The following TPCN1 variants were observed in gnomAD, a reference collection of about 807,000 sequenced individuals.
The protein encoded by TPCN1 is two pore channel protein 1.
In TPCN1, 52 loss-of-function variants were observed where a neutral mutation model predicts 108.8. The ratio of observed to expected loss-of-function variants is 0.48; its 90% CI spans 0.38 to 0.60. TPCN1 has a LOEUF of 0.60. Among genes scored for constraint, TPCN1 ranks in the 20% least tolerant of loss-of-function variants. The pLI, the probability that TPCN1 is intolerant of heterozygous loss-of-function variation, is 0.00. For synonymous variants in TPCN1, 446 were observed against 433.7 expected (o/e 1.03, Z -0.35); for missense variants, 806 against 1,072.8 (o/e 0.75, Z 3.47).
intron 17 of TPCN1, among the ~76,000 whole-genome samples, chr12:113,285,340 G>C (rs753521123): frequency 1.1e-4 from 17 of 152,204 alleles, no homozygotes; most frequent in Non-Finnish European, 2.1e-4. Flanking sequence ...CAGATGGTTA[G>C]CTGGGCCCTG....
At chr12:113,230,149 TGACAGA>T (rs2136439909) in intron 2 of TPCN1, among the ~76,000 whole-genome samples, 1 of 152,314 alleles carries the variant, frequency 6.6e-6, no homozygotes, top group South Asian at 2.1e-4. Context: ...TTCCCCTTCC[TGACAGA>T]GCTAATTACT....
Position 113,269,663 on chromosome 12 carries a change from A to T in TPCN1, c.660-94A>T. The T allele has an allele frequency of 9.4e-7, 1 of 1,059,790 alleles. No homozygotes were observed. Among genetic ancestry groups the T allele is most frequent in the Non-Finnish European group, 1.4e-6 (1 of 707,326 alleles). 65.6% of individuals were successfully genotyped at this position (1,059,790 alleles called of 1,614,324 possible). On this transcript the variant is annotated intron_variant, in intron 6 of 27. Transcript: ENST00000335509. This position sits in a 1 kb window ranked among gnomAD's most constrained non-coding sequence, Gnocchi z 5.0. Reference sequence around the variant, plus strand: ...GAGTGCGTCAGGGTTTAGTATTTCGAGTCAGAAGCACTAGGCCTCCATCTC... The same window carrying T: ...GAGTGCGTCAGGGTTTAGTATTTCGTGTCAGAAGCACTAGGCCTCCATCTC...
chr12:113,278,765 C>T lies in TPCN1; in HGVS notation c.1234-7C>T, dbSNP rs774849259. The T allele has an allele frequency of 2.5e-6, 4 of 1,613,716 alleles. No individual in the cohort carries two copies. In the South Asian group the frequency reaches 3.3e-5, roughly 13 times the overall value. The stretch of plus-strand genomic sequence containing the variant: ...ACACCCTCCCTCTTGGTCCTGTTGT[C>T]TACCAGGCCAAGAAAAACAGAGAGC... On this transcript the variant is annotated splice_region_variant and splice_polypyrimidine_tract_variant and intron_variant, in intron 13 of 27. Coordinates refer to ENST00000335509, the MANE Select transcript of TPCN1 (RefSeq NM_017901.6).
In TPCN1 at chr12:113,273,291, G is replaced by A. The variant is rs11066524; in HGVS notation, c.842+1G>A. ...TGTTTGTCCTTCTGACCACAGCCAA[G>A]TAAGTGCAGGCTCTGCCTTGCCTTT... On this transcript the variant is annotated splice_donor_variant, in intron 9 of 27. Coordinates refer to ENST00000335509, the MANE Select transcript of TPCN1 (RefSeq NM_017901.6). LOFTEE classifies it high-confidence loss of function. This position sits in a 1 kb window ranked among gnomAD's most constrained non-coding sequence, Gnocchi z 4.0. The A allele has an allele frequency of 6.2e-7, 1 of 1,614,250 alleles. No homozygotes were observed. Among genetic ancestry groups the A allele is most frequent in the Non-Finnish European group, 8.5e-7 (1 of 1,180,038 alleles).
At chr12:113,294,626 CAAAA>C (rs368650271) in intron 27 of TPCN1, among the ~76,000 whole-genome samples, 15 of 95,502 alleles carry the variant, frequency 1.6e-4, no homozygotes, top group Non-Finnish European at 2.1e-4. Flanking sequence ...GACTCTGTCT[CAAAA>C]AAAAAAAAAA....
chr12:113,276,937 G>T lies in TPCN1; in HGVS notation c.961G>T (p.Asp321Tyr). The T allele has an allele frequency of 6.2e-7, 1 of 1,613,670 alleles. No individual in the cohort carries two copies. The highest frequency in any genetic ancestry group is 1.1e-5 in the South Asian group (1 of 91,056). ...IMNLLLAVVF[D>Y]TFNDIEKRKF... ...CCCACAGCTTCTGGCTGTGGTGTTC[G>T]ACACCTTCAATGACATTGAGAAACG... The change falls in exon 11 of 28, where the codon GAC (aspartate) becomes TAC (tyrosine). Residue 321 changes from aspartate (D) to tyrosine (Y), a missense_variant. Coordinates refer to ENST00000335509, the MANE Select transcript of TPCN1 (RefSeq NM_017901.6).
At chr12:113,249,505 C>A (rs1293255343) in intron 2 of TPCN1, 3 of 152,218 alleles carry the variant, frequency 2.0e-5, no homozygotes, top group African/African-American at 7.2e-5. Flanking sequence ...CTCAGTTTCC[C>A]CATCTCTAAA....
chr12:113,227,439 G>A (rs1378698839), intron 2 of TPCN1, among the ~76,000 whole-genome samples: 1 of 152,216 alleles, frequency 6.6e-6, no homozygotes, highest in African/African-American at 2.4e-5. Context: ...GGAAGAGGGC[G>A]AGTGTTTTGT....
chr12:113,275,177 G>A (rs980444222), intron 10 of TPCN1, among the ~76,000 whole-genome samples: 1 of 152,166 alleles, frequency 6.6e-6, no homozygotes, highest in Non-Finnish European at 1.5e-5. Flanking sequence ...CCACAGTCAG[G>A]CCCAGTATAG....
At chr12:113,262,718 T>C (rs1955089016) in intron 3 of TPCN1, among the ~76,000 whole-genome samples, 1 of 152,092 alleles carries the variant, frequency 6.6e-6, no homozygotes, top group East Asian at 1.9e-4. Flanking sequence ...CCTAAGCAGG[T>C]GAGGACATTG....
rs957123268 is a variant in TPCN1 at position 113,289,922 on chromosome 12, G to A, written c.1797-206G>A. 2.1e-5 allele frequency: 11 copies of A among 515,108 alleles called. No individual in the cohort carries two copies. The highest frequency in any genetic ancestry group is 5.2e-4 in the Middle Eastern group (1 of 1,920). The allele number at this position is 515,108 out of a possible 1,614,324, so 31.9% of individuals were successfully genotyped here. ...TGGGTCAGGCTGGCCAGGGGATCCCGCCAAGCCCAGCAGGCAGGAATAGCC... is the reference window on the plus strand; with the variant it reads ...TGGGTCAGGCTGGCCAGGGGATCCCACCAAGCCCAGCAGGCAGGAATAGCC... On this transcript the variant is annotated intron_variant, in intron 21 of 27. Coordinates refer to ENST00000335509, the MANE Select transcript of TPCN1 (RefSeq NM_017901.6). The surrounding 1 kb of genome is among the most constrained non-coding windows in gnomAD (Gnocchi z 4.1).
intron 2 of TPCN1, among the ~76,000 whole-genome samples, chr12:113,238,133 C>T (rs1388760342): frequency 6.6e-6 from 1 of 152,190 alleles, no homozygotes; most frequent in Non-Finnish European, 1.5e-5. Flanking sequence ...TTCTGCCTTT[C>T]CCACTTAGTG....
chr12:113,278,317 G>A (rs1955742863), intron 13 of TPCN1, 80 bp downstream of exon 13: 1 of 1,274,978 alleles, frequency 7.8e-7, no homozygotes, highest in Non-Finnish European at 1.1e-6. Context: ...GGCACCCCGA[G>A]ATCCAGCTCT....
intron 2 of TPCN1, among the ~76,000 whole-genome samples, chr12:113,252,798 G>T (rs1373510315): frequency 6.6e-6 from 1 of 152,148 alleles, no homozygotes; most frequent in Non-Finnish European, 1.5e-5. Context: ...TGAGGACGGT[G>T]GTTTGACCTT....
intron 2 of TPCN1, among the ~76,000 whole-genome samples, chr12:113,235,973 G>A (rs1953878509): frequency 6.6e-6 from 1 of 152,216 alleles, no homozygotes; most frequent in Admixed American, 6.5e-5. Context: ...TGGCATCTGA[G>A]TCAGAGGGTT....
chr12:113,227,120 G>A (rs1272879762), intron 2 of TPCN1, among the ~76,000 whole-genome samples, 156 bp downstream of exon 2: 1 of 152,184 alleles, frequency 6.6e-6, no homozygotes, highest in Non-Finnish European at 1.5e-5. Flanking sequence ...CTCCTGGGAG[G>A]CTGTGTGTTT....
At chr12:113,247,953 G>A (rs1300495109) in intron 2 of TPCN1, among the ~76,000 whole-genome samples, 1 of 152,192 alleles carries the variant, frequency 6.6e-6, no homozygotes, top group Non-Finnish European at 1.5e-5. Flanking sequence ...GTCCTGGGAG[G>A]GGGAGAATTC....
chr12:113,240,799 T>A (rs796253229), intron 2 of TPCN1, among the ~76,000 whole-genome samples: 2 of 149,598 alleles, frequency 1.3e-5, no homozygotes, highest in African/African-American at 4.9e-5. Context: ...CAGGCTGGAG[T>A]GCAGAGGCAC....
At chr12:113,263,653 T>C (rs1477410999) in intron 3 of TPCN1, among the ~76,000 whole-genome samples, 1 of 152,230 alleles carries the variant, frequency 6.6e-6, no homozygotes, top group Non-Finnish European at 1.5e-5. Context: ...CCCTCGCTGC[T>C]TTGAGGGTGT....
Sources: gnomAD v4.1 joint callset for allele counts (sites outside exome capture counted in the v4.1 genomes callset) on GRCh38, gnomAD v4.1.1 for gene constraint, Gnocchi (gnomAD v3.1) non-coding constraint, MANE v1.5 for transcripts, NCBI Gene and HGNC (gene_info 2026-07-23, HGNC 2026-07-21) for gene names.